The following ATP13A2 variants were observed in gnomAD, a reference collection of about 807,000 sequenced individuals.
The protein encoded by ATP13A2 is ATPase cation transporting 13A2.
ATP13A2 carries 83 observed loss-of-function variants against 138.3 expected under a neutral mutation model. The observed-to-expected ratio is 0.60, with a 90% CI of 0.50 to 0.72. The LOEUF (loss-of-function observed/expected upper bound fraction) is 0.72, where lower values mean the gene tolerates loss of function less well. Among genes scored for constraint, ATP13A2 ranks in the 30% least tolerant of loss-of-function variants. ATP13A2 has a pLI of 0.00. For missense variants in ATP13A2, 1,402 were observed against 1,606.4 expected, an observed-to-expected ratio of 0.87 and a Z score of 2.17; for synonymous variants, 663 against 699.0, an observed-to-expected ratio of 0.95 and a Z score of 0.81.
At chr1:17,000,379 C>T in intron 9 of ATP13A2, 21 bp downstream of exon 9, 4 of 1,605,982 alleles carry the variant, frequency 2.5e-6, no homozygotes, top group East Asian at 2.3e-5. Context: ...GTCCCGTCCC[C>T]ACCCACCTTA....
At chr1:16,988,513 C>A (rs755968778) in intron 23 of ATP13A2, 39 bp from the exon 24 acceptor site, 8 of 1,612,726 alleles carry the variant, frequency 5.0e-6, no homozygotes, top group Non-Finnish European at 6.8e-6. Context: ...TGGGGAATTA[C>A]CCCACCACCC....
rs962873657 is a variant in ATP13A2, at chr1:17,011,881, A to G, written c.-143T>C. The G allele has an allele frequency of 2.7e-4, 215 of 798,558 alleles. No individual in the cohort carries two copies. The African/African-American group carries it at 3.8e-3, about 14-fold the overall frequency. 49.5% of individuals were successfully genotyped at this position (798,558 alleles called of 1,614,324 possible). A position where few individuals can be genotyped will look rare whatever the true frequency, so the allele number is the denominator to read the frequency against. Reference sequence around the variant, plus strand: ...CTAGCGCGGGGCTGGAGCAGGGCTGACGCGGGCGGGGCACCTGGGCCACCA... The same window carrying G: ...CTAGCGCGGGGCTGGAGCAGGGCTGGCGCGGGCGGGGCACCTGGGCCACCA... On this transcript the variant is annotated 5_prime_UTR_variant, in exon 1 of 29. Transcript: ENST00000326735. This position sits in a 1 kb window ranked among gnomAD's most constrained non-coding sequence, Gnocchi z 7.3.
chr1:16,996,616 C>T lies in ATP13A2; in HGVS notation c.1196-120G>A, dbSNP rs559689117. The T allele has an allele frequency of 8.2e-5, 67 of 817,568 alleles. No homozygotes were observed. In the East Asian group the frequency reaches 1.8e-3, roughly 22 times the overall value. The allele number at this position is 817,568 out of a possible 1,614,324, so 50.6% of individuals were successfully genotyped here. ...AAGACATGATGTTTGTGAAATTAGC[C>T]ATCAGCAGTGTGGAGTCCTAACAGG... On this transcript the variant is annotated intron_variant, in intron 12 of 28. Coordinates refer to ENST00000326735, the MANE Select transcript of ATP13A2 (RefSeq NM_022089.4).
intron 11 of ATP13A2, among the ~76,000 whole-genome samples, chr1:16,998,779 T>C (rs1180225124): frequency 6.6e-6 from 1 of 152,008 alleles, no homozygotes; most frequent in Non-Finnish European, 1.5e-5. Flanking sequence ...CATGCAGCCA[T>C]GAGGTGGGGC....
At position 17,002,083 on chromosome 1, in the gene ATP13A2, T is replaced by C. The variant is rs776406555; in HGVS notation, c.656A>G (p.Asn219Ser). Residue 219 changes from asparagine (N) to serine (S), a missense_variant, in exon 8 of 29, where the codon AAC (asparagine) becomes AGC (serine). Transcript: ENST00000326735. ...GGACTTGACCGGTATGCTGATCACG[T>C]TGGGGCCGTAAATGGCCTTCCTGGA... ...QMVRKAIYGP[N>S]VISIPVKSYP... The C allele has an allele frequency of 4.1e-5, 66 of 1,613,696 alleles. No homozygotes were observed. The highest frequency in any genetic ancestry group is 5.4e-5 in the Non-Finnish European group (64 of 1,179,884).
chr1:16,997,218 T>A, intron 11 of ATP13A2, 43 bp from the exon 12 acceptor site: 4 of 1,611,314 alleles, frequency 2.5e-6, no homozygotes, highest in Non-Finnish European at 3.4e-6. Context: ...CACCCCTCCC[T>A]CCCACCAGCA....
chr1:16,997,421 G>GGGGC (rs1369808660), intron 11 of ATP13A2, among the ~76,000 whole-genome samples: 2 of 131,770 alleles, frequency 1.5e-5, no homozygotes, highest in African/African-American at 6.0e-5. Context: ...CAGCGGGGGG[G>GGGGC]GGTGGGTCAG....
rs1490325476 is a variant in ATP13A2 at position 16,986,155 on chromosome 1, G to A, written c.*66C>T. The A allele has an allele frequency of 6.2e-7, 1 of 1,608,110 alleles. No individual in the cohort carries two copies. Among genetic ancestry groups the A allele is most frequent in the Non-Finnish European group, 8.5e-7 (1 of 1,177,914 alleles). ...GGAGGTGGTGGCGGTGGTGTTGCTG[G>A]AGAGGGGTCCAGTTGGTGGCTCAGA... On this transcript the variant is annotated 3_prime_UTR_variant, in exon 29 of 29. Transcript: ENST00000326735. This position sits in a 1 kb window ranked among gnomAD's most constrained non-coding sequence, Gnocchi z 6.9.
chr1:17,004,201 C>G lies in ATP13A2; in HGVS notation c.557+131G>C, dbSNP rs1011953665. The G allele has an allele frequency of 8.4e-6, 8 of 954,948 alleles. No individual in the cohort carries two copies. The highest frequency in any genetic ancestry group is 1.3e-5 in the Non-Finnish European group (8 of 606,044). 59.2% of individuals were successfully genotyped at this position (954,948 alleles called of 1,614,324 possible). On this transcript the variant is annotated intron_variant, in intron 6 of 28. Coordinates refer to ENST00000326735, the MANE Select transcript of ATP13A2 (RefSeq NM_022089.4). This position sits in a 1 kb window ranked among gnomAD's most constrained non-coding sequence, Gnocchi z 4.1. ...TCCCAGGCCTGGAGGGGCTCAGTAA[C>G]CTGCCCAAGGTTTCAGACAGCAAAA...
intron 25 of ATP13A2, 80 bp downstream of exon 25, chr1:16,988,058 C>A (rs1319811952): frequency 2.3e-6 from 3 of 1,310,076 alleles, no homozygotes; most frequent in Non-Finnish European, 3.3e-6. Context: ...ATTCTGGGAC[C>A]TGCCAGCTCC....
At position 16,996,926 on chromosome 1, in the gene ATP13A2, G is replaced by A. The variant is rs987521674; in HGVS notation, c.1195+94C>T. 5.4e-6 allele frequency: 8 copies of A among 1,478,478 alleles called. No individual in the cohort carries two copies. In the Admixed American group the frequency reaches 1.2e-4, roughly 22 times the overall value. 91.6% of individuals were successfully genotyped at this position (1,478,478 alleles called of 1,614,324 possible). A position where few individuals can be genotyped will look rare whatever the true frequency, so the allele number is the denominator to read the frequency against. Reference sequence around the variant, plus strand: ...AGGGCAGCAGCAGAGGTGGGCGTGGGGTCCAGGGTTCCAGGTCCCACCCTG... The same window carrying A: ...AGGGCAGCAGCAGAGGTGGGCGTGGAGTCCAGGGTTCCAGGTCCCACCCTG... On this transcript the variant is annotated intron_variant, in intron 12 of 28. Coordinates refer to ENST00000326735, the MANE Select transcript of ATP13A2 (RefSeq NM_022089.4).
Position 17,000,005 on chromosome 1 carries a change from G to A in ATP13A2, c.1039+6C>T, listed in dbSNP as rs565724504. On this transcript the variant is annotated splice_donor_region_variant and intron_variant, in intron 11 of 28. Coordinates refer to ENST00000326735, the MANE Select transcript of ATP13A2 (RefSeq NM_022089.4). ...GGAAGCTGCAGGCCAGGGGCTGGGGGCTCACCTGTCAGAGAGCTCTCATTC... is the reference window on the plus strand; with the variant it reads ...GGAAGCTGCAGGCCAGGGGCTGGGGACTCACCTGTCAGAGAGCTCTCATTC... 306 of 1,602,234 alleles carry A rather than the reference G, an allele frequency of 1.9e-4. 2 individuals are homozygous for A. The highest frequency in any genetic ancestry group is 1.2e-3 in the Middle Eastern group (7 of 6,046).
intron 20 of ATP13A2, 138 bp downstream of exon 20, chr1:16,991,596 A>C: frequency 7.8e-7 from 1 of 1,279,814 alleles, no homozygotes; most frequent in Non-Finnish European, 1.1e-6. Context: ...GTGAAGATTC[A>C]CGAAATGTTT....
chr1:16,996,683 G>C, intron 12 of ATP13A2, 187 bp from the exon 13 acceptor site: 1 of 629,428 alleles, frequency 1.6e-6, no homozygotes, highest in South Asian at 1.9e-5. Context: ...CTTTAAACAA[G>C]GAACTAGTGG....
chr1:16,988,067 C>G, intron 25 of ATP13A2, 71 bp downstream of exon 25: 1 of 1,413,060 alleles, frequency 7.1e-7, no homozygotes, highest in Non-Finnish European at 1.0e-6. Context: ...CCTGCCAGCT[C>G]CAAGGCACAG....
chr1:17,004,217 G>A lies in ATP13A2; in HGVS notation c.557+115C>T. The A allele has an allele frequency of 8.8e-7, 1 of 1,132,536 alleles. No homozygotes were observed. Among genetic ancestry groups the A allele is most frequent in the African/African-American group, 1.5e-5 (1 of 64,804 alleles). 70.2% of individuals were successfully genotyped at this position (1,132,536 alleles called of 1,614,324 possible). ...GCTCAGTAACCTGCCCAAGGTTTCA[G>A]ACAGCAAAAGCATCAGAGCTGAGAG... On this transcript the variant is annotated intron_variant, in intron 6 of 28. Coordinates refer to ENST00000326735, the MANE Select transcript of ATP13A2 (RefSeq NM_022089.4). The surrounding 1 kb of genome is among the most constrained non-coding windows in gnomAD (Gnocchi z 4.1).
chr1:17,005,596 AC>A (rs760863835), intron 2 of ATP13A2, 40 bp from the exon 3 acceptor site: 1 of 1,613,994 alleles, frequency 6.2e-7, no homozygotes, highest in Admixed American at 1.7e-5. Flanking sequence ...CGGGGTGGGA[AC>A]GGGGCTGGAG....
chr1:16,997,819 C>T (rs1034597864), intron 11 of ATP13A2, among the ~76,000 whole-genome samples: 1 of 122,716 alleles, frequency 8.1e-6, no homozygotes, highest in East Asian at 2.7e-4. Context: ...CCAGCCTGGA[C>T]AACAGAGTGA....
At position 16,996,870 on chromosome 1, in the gene ATP13A2, A is replaced by AT; in HGVS notation, c.1195+149dup. On this transcript the variant is annotated intron_variant, in intron 12 of 28. Coordinates refer to ENST00000326735, the MANE Select transcript of ATP13A2 (RefSeq NM_022089.4). ...TAAGATGGGAATGCTCAGACCCCAG[A>AT]TGGGGGGCAACTGGCCCGAGGTCCC... 5.1e-6 allele frequency: 5 copies of AT among 988,242 alleles called. No individual in the cohort carries two copies. The South Asian group carries it at 5.7e-5, about 11-fold the overall frequency. 61.2% of individuals were successfully genotyped at this position (988,242 alleles called of 1,614,324 possible).
Sources: allele counts gnomAD v4.1 joint callset (sites outside exome capture counted in the v4.1 genomes callset), GRCh38; gene constraint gnomAD v4.1.1; non-coding constraint Gnocchi (gnomAD v3.1); transcripts MANE v1.5; gene names NCBI Gene and HGNC (gene_info 2026-07-23, HGNC 2026-07-21).